The following SELP variants were observed in gnomAD, a reference collection of about 807,000 sequenced individuals.
SELP encodes P-selectin.
Under a neutral mutation model 104.1 loss-of-function variants are expected in SELP, and 92 were observed. The ratio of observed to expected loss-of-function variants is 0.88; its 90% CI spans 0.75 to 1.05. The LOEUF is 1.05. SELP is among the 50% of genes least tolerant of loss of function. SELP has a pLI of 0.00. For synonymous variants in SELP, 397 were observed against 364.5 expected, an observed-to-expected ratio of 1.09 and a Z score of -1.01; for missense variants, 1,022 against 1,017.3, an observed-to-expected ratio of 1.00 and a Z score of -0.06.
At chr1:169,595,524 A>T (rs1052825230) in intron 12 of SELP, among the ~76,000 whole-genome samples, 1 of 152,202 alleles carries the variant, frequency 6.6e-6, no homozygotes, top group Non-Finnish European at 1.5e-5. Context: ...CTCTTCAGGA[A>T]ATATCATGTA....
At chr1:169,617,524 A>C in intron 2 of SELP, 110 bp from the exon 3 acceptor site, 1 of 1,094,076 alleles carries the variant, frequency 9.1e-7, no homozygotes, top group Non-Finnish European at 1.3e-6. Context: ...GAACATTAAT[A>C]CACAAAACAA....
chr1:169,596,924 A>G, intron 11 of SELP, 67 bp downstream of exon 11: 3 of 1,429,304 alleles, frequency 2.1e-6, no homozygotes, highest in South Asian at 2.8e-5. Flanking sequence ...TAAGAACTAG[A>G]TAATTGTTTG....
At chr1:169,606,240 C>G (rs1375495660) in intron 9 of SELP, among the ~76,000 whole-genome samples, 3 of 152,168 alleles carry the variant, frequency 2.0e-5, no homozygotes, top group Non-Finnish European at 4.4e-5. Flanking sequence ...TTGCTTGAAC[C>G]CGGGAGGCGG....
At position 169,609,513 on chromosome 1, in the gene SELP, C is replaced by A; in HGVS notation, c.1324G>T (p.Val442Phe). 1 of 1,612,612 alleles carries A rather than the reference C, an allele frequency of 6.2e-7. No homozygotes were observed. Among genetic ancestry groups the A allele is most frequent in the Non-Finnish European group, 8.5e-7 (1 of 1,179,246 alleles). ...ACCACTGTTACAGTACCTTGACAGACTGGGGCTGGTGCTGTCCACTGTCCC... is the reference window on the plus strand; with the variant it reads ...ACCACTGTTACAGTACCTTGACAGAATGGGGCTGGTGCTGTCCACTGTCCC... ...NLGQWTAPAP[V>F]CQALQCQDLP... Residue 442 changes from valine (V) to phenylalanine (F), a missense_variant, in exon 8 of 17, where the codon GTC becomes TTC. Coordinates refer to ENST00000263686, the MANE Select transcript of SELP (RefSeq NM_003005.4).
At position 169,599,369 on chromosome 1, in the gene SELP, A is replaced by AC. The variant is rs1197766159; in HGVS notation, c.1706-2194_1706-2193insG. Reference sequence around the variant, plus strand: ...CTCTAAAACTTTGGCAAAAAAAAAAAAACTCCTGAATAATTACAAAAATAG... The same window carrying AC: ...CTCTAAAACTTTGGCAAAAAAAAAAACAACTCCTGAATAATTACAAAAATAG... On this transcript the variant is annotated intron_variant, in intron 10 of 16. Transcript: ENST00000263686. 3.9e-4 allele frequency among the ~76,000 whole-genome samples: 59 copies of AC among 151,842 alleles called. 1 individual carries two copies. The South Asian group carries it at 4.6e-3, about 12-fold the overall frequency.
chr1:169,596,786 C>T (rs1016002129), intron 11 of SELP, among the ~76,000 whole-genome samples: 2 of 152,218 alleles, frequency 1.3e-5, no homozygotes, highest in African/African-American at 4.8e-5. Context: ...AAAATTCCTG[C>T]TTAAGAATCA....
chr1:169,589,529 G>A (rs1434565878), intron 16 of SELP, 68 bp from the exon 17 acceptor site: 1 of 152,216 alleles, frequency 6.6e-6, no homozygotes, highest in Non-Finnish European at 1.5e-5. Context: ...AGGATCATAT[G>A]GAGGCTGAAT....
At position 169,606,929 on chromosome 1, in the gene SELP, T is replaced by G; in HGVS notation, c.1519+20A>C. ...TGCCTACAATTTATTTCCATGATGT[T>G]AGAAAGAATACACTCTTACCTTGGC... On this transcript the variant is annotated intron_variant, in intron 9 of 16. Transcript: ENST00000263686. 1 of 1,603,456 alleles carries G rather than the reference T, an allele frequency of 6.2e-7. No homozygotes were observed. Among genetic ancestry groups the G allele is most frequent in the Non-Finnish European group, 8.5e-7 (1 of 1,174,488 alleles).
Position 169,594,799 on chromosome 1 carries a change from C to T in SELP, c.2180G>A (p.Gly727Glu), listed in dbSNP as rs144853111. The T allele has an allele frequency of 1.4e-3, 2,243 of 1,613,830 alleles. 5 individuals are homozygous for T. The highest frequency in any genetic ancestry group is 2.8e-3 in the Middle Eastern group (17 of 6,056). ...TAGACAATGGAAAGAGCAGATTGAT[C>T]CATAACTGAAGTTTCCCCAGAGGTT... ...CSNLWGNFSY[G>E]SICSFHCLEG... The change falls in exon 13 of 17, where the codon GGA (glycine) becomes GAA (glutamate). Residue 727 changes from glycine to glutamate, a missense_variant. Transcript: ENST00000263686.
At chr1:169,609,390 A>G (rs528340467) in intron 8 of SELP, 114 bp downstream of exon 8, 3 of 1,046,884 alleles carry the variant, frequency 2.9e-6, no homozygotes, top group South Asian at 1.6e-5. Context: ...GACATGGCCC[A>G]TAGTAGGTTC....
chr1:169,602,181 C>T (rs1661941232), intron 10 of SELP, among the ~76,000 whole-genome samples: 1 of 152,068 alleles, frequency 6.6e-6, no homozygotes, highest in African/African-American at 2.4e-5. Context: ...TCACACACAC[C>T]CATTTTTATT....
chr1:169,600,508 C>A (rs1661850976), intron 10 of SELP, among the ~76,000 whole-genome samples: 1 of 152,150 alleles, frequency 6.6e-6, no homozygotes, highest in Non-Finnish European at 1.5e-5. Context: ...AGGCAGAGGC[C>A]ACATCCCAGA....
chr1:169,622,660 G>C (rs1355525973), intron 1 of SELP, among the ~76,000 whole-genome samples: 2 of 152,146 alleles, frequency 1.3e-5, no homozygotes, highest in Non-Finnish European at 2.9e-5. Flanking sequence ...TAGTTGTCAT[G>C]CTAACTCAAT....
intron 3 of SELP, among the ~76,000 whole-genome samples, chr1:169,614,257 G>A (rs1360618125): frequency 1.3e-5 from 2 of 152,170 alleles, no homozygotes; most frequent in East Asian, 3.9e-4. Context: ...CTACAGTGGA[G>A]AAACAGAGGA....
intron 5 of SELP, 100 bp from the exon 6 acceptor site, chr1:169,612,502 G>A (rs1662593738): frequency 8.7e-7 from 1 of 1,145,126 alleles, no homozygotes; most frequent in East Asian, 2.4e-5. Context: ...TTCCCAAAGT[G>A]GCAGGCAGGT....
At chr1:169,624,181 T>C (rs931964070) in intron 1 of SELP, among the ~76,000 whole-genome samples, 4 of 152,186 alleles carry the variant, frequency 2.6e-5, no homozygotes, top group Non-Finnish European at 4.4e-5. Flanking sequence ...CTCTGAAACC[T>C]GCTTGGGGTG....
intron 8 of SELP, 135 bp from the exon 9 acceptor site, chr1:169,607,269 G>T (rs755111605): frequency 6.5e-5 from 42 of 645,674 alleles, no homozygotes; most frequent in Non-Finnish European, 9.4e-5. Context: ...ATAAGAAAAA[G>T]TGTCATTTAA....
At chr1:169,623,655 C>T (rs534087692) in intron 1 of SELP, among the ~76,000 whole-genome samples, 1 of 152,324 alleles carries the variant, frequency 6.6e-6, no homozygotes, top group African/African-American at 2.4e-5. Context: ...AGTCAGTGTG[C>T]ATCCCCTGCT....
In SELP at chr1:169,613,698, A is replaced by G. The variant is rs1662666747; in HGVS notation, c.482-5T>C. On this transcript the variant is annotated splice_region_variant and splice_polypyrimidine_tract_variant and intron_variant, in intron 3 of 16. Transcript: ENST00000263686. ...AGGACATGTCCTGGCAGGAGGCTGCATAGATATGGAAAGGTCAGAGTCATG... is the reference window on the plus strand; with the variant it reads ...AGGACATGTCCTGGCAGGAGGCTGCGTAGATATGGAAAGGTCAGAGTCATG... The G allele has an allele frequency of 1.2e-6, 2 of 1,612,770 alleles. No individual in the cohort carries two copies. The highest frequency in any genetic ancestry group is 1.3e-5 in the African/African-American group (1 of 74,908).
Sources: gnomAD v4.1 joint callset for allele counts (sites outside exome capture counted in the v4.1 genomes callset) on GRCh38, gnomAD v4.1.1 for gene constraint, MANE v1.5 for transcripts, NCBI Gene and HGNC (gene_info 2026-07-23, HGNC 2026-07-21) for gene names.